The following KDM4C variants were observed in gnomAD, a reference collection of about 807,000 sequenced individuals.
The protein encoded by KDM4C is lysine demethylase 4C.
KDM4C carries 81 observed loss-of-function variants against 129.3 expected under a neutral mutation model. The observed-to-expected ratio is 0.63, with a 90% CI of 0.52 to 0.75. The LOEUF (loss-of-function observed/expected upper bound fraction) is 0.75, where lower values mean the gene tolerates loss of function less well. KDM4C is among the 30% of genes least tolerant of loss of function. The pLI, the probability that KDM4C is intolerant of heterozygous loss-of-function variation, is 0.00. For missense variants in KDM4C, 1,457 were observed against 1,304.0 expected, an observed-to-expected ratio of 1.12 and a Z score of -1.81; for synonymous variants, 573 against 456.1, an observed-to-expected ratio of 1.26 and a Z score of -3.26.
chr9:7,016,373 C>T (rs139941818), intron 15 of KDM4C, among the ~76,000 whole-genome samples: 69 of 150,428 alleles, frequency 4.6e-4, no homozygotes, highest in African/African-American at 1.3e-3. Flanking sequence ...GTGATCTGCT[C>T]GCCTCGGCCT....
rs191098149 is a variant in KDM4C at position 6,834,576 on chromosome 9, A to G, written c.436-14931A>G. The G allele has an allele frequency of 6.2e-3, 4,485 of 723,002 alleles. 143 individuals are homozygous for G. In the Admixed American group the frequency reaches 0.062, roughly 10 times the overall value. 44.8% of individuals were successfully genotyped at this position (723,002 alleles called of 1,614,324 possible). On this transcript the variant is annotated intron_variant, in intron 4 of 21. Coordinates refer to ENST00000381309, the MANE Select transcript of KDM4C (RefSeq NM_015061.6). ...TTCATCGTGTGGCACCCCAAGCACC[A>G]GGGCATGATGGTGGGCATGGGTCGG... is the stretch of plus-strand genomic sequence containing the variant.
intron 1 of KDM4C, among the ~76,000 whole-genome samples, chr9:6,739,805 C>T (rs1309319171): frequency 1.3e-5 from 2 of 151,988 alleles, no homozygotes; most frequent in Non-Finnish European, 2.9e-5. Context: ...CCCTGGGCAA[C>T]ATAGCATGAC....
intron 5 of KDM4C, among the ~76,000 whole-genome samples, chr9:6,850,517 C>G (rs1838648318): frequency 6.6e-6 from 1 of 152,012 alleles, no homozygotes; most frequent in African/African-American, 2.4e-5. Flanking sequence ...GCGATCTTGG[C>G]TCACTGCAAC....
intron 5 of KDM4C, among the ~76,000 whole-genome samples, chr9:6,853,986 A>G (rs557240486): frequency 6.6e-6 from 1 of 152,226 alleles, no homozygotes; most frequent in Non-Finnish European, 1.5e-5. Flanking sequence ...GTAAAGTATT[A>G]TACAAATACT....
At chr9:6,822,221 C>T (rs1460896986) in intron 4 of KDM4C, among the ~76,000 whole-genome samples, 3 of 152,192 alleles carry the variant, frequency 2.0e-5, no homozygotes, top group Admixed American at 6.5e-5. Flanking sequence ...TATTTGTGCA[C>T]TACCGTGGCA....
chr9:6,856,370 A>G (rs1564170877), intron 5 of KDM4C, among the ~76,000 whole-genome samples: 1 of 152,200 alleles, frequency 6.6e-6, no homozygotes, highest in African/African-American at 2.4e-5. Flanking sequence ...TATTTTGTCT[A>G]GAAAAAATGC....
At chr9:6,938,160 C>T (rs1482906851) in intron 8 of KDM4C, among the ~76,000 whole-genome samples, 1 of 151,940 alleles carries the variant, frequency 6.6e-6, no homozygotes, top group Admixed American at 6.6e-5. Flanking sequence ...CCTCCTCCAG[C>T]CAATGTTTGC....
At chr9:7,084,150 A>G (rs1158885938) in intron 17 of KDM4C, among the ~76,000 whole-genome samples, 1 of 152,200 alleles carries the variant, frequency 6.6e-6, no homozygotes, top group African/African-American at 2.4e-5. Flanking sequence ...AAAGATCATG[A>G]GCTCTGGGCT....
chr9:6,799,369 C>T (rs1828459627), intron 2 of KDM4C, among the ~76,000 whole-genome samples: 1 of 152,224 alleles, frequency 6.6e-6, no homozygotes, highest in South Asian at 2.1e-4. Flanking sequence ...TGGAGACCAG[C>T]CCGGCCAACA....
chr9:6,997,082 C>G (rs562486902), intron 12 of KDM4C, among the ~76,000 whole-genome samples: 1 of 152,256 alleles, frequency 6.6e-6, no homozygotes, highest in Admixed American at 6.5e-5. Flanking sequence ...TCGGTGCCTG[C>G]GTTTACAAAG....
chr9:6,934,062 C>G (rs530239225), intron 8 of KDM4C, among the ~76,000 whole-genome samples: 2 of 151,980 alleles, frequency 1.3e-5, no homozygotes, highest in South Asian at 2.1e-4. Context: ...GTTGGCCAGG[C>G]TGGTCTTCTT....
chr9:6,966,968 C>A (rs1170842073), intron 8 of KDM4C, among the ~76,000 whole-genome samples: 1 of 152,122 alleles, frequency 6.6e-6, no homozygotes, highest in East Asian at 1.9e-4. Flanking sequence ...AACTGCTGCT[C>A]ACCAAATATA....
intron 19 of KDM4C, among the ~76,000 whole-genome samples, chr9:7,152,063 C>G (rs1402778320): frequency 6.6e-6 from 1 of 152,210 alleles, no homozygotes; most frequent in Non-Finnish European, 1.5e-5. Flanking sequence ...TCAGAAATTT[C>G]TCTGGTGGTT....
In KDM4C at chr9:6,758,194, C is replaced by T. The variant is rs1818635764; in HGVS notation, c.-27C>T. 1.0e-6 allele frequency: 1 copy of T among 985,954 alleles called. No homozygotes were observed. The highest frequency in any genetic ancestry group is 1.2e-6 in the Non-Finnish European group (1 of 830,376). 61.1% of individuals were successfully genotyped at this position (985,954 alleles called of 1,614,324 possible). On this transcript the variant is annotated 5_prime_UTR_variant, in exon 1 of 22. Transcript: ENST00000381309. This position sits in a 1 kb window ranked among gnomAD's most constrained non-coding sequence, Gnocchi z 4.6. ...ACCGAGTCGTGCTCTCGCCCCAACC[C>T]GCGCGCCAGGTAACCGCTTTTCCGG...
In KDM4C at chr9:6,931,122, A is replaced by AC. The variant is rs1302134130; in HGVS notation, c.921+37898dup. Among the ~76,000 whole-genome samples the AC allele has an allele frequency of 4.0e-3, 592 of 146,200 alleles. 2 individuals carry two copies. The highest frequency in any genetic ancestry group is 0.012 in the African/African-American group (475 of 39,156). On this transcript the variant is annotated intron_variant, in intron 8 of 21. Transcript: ENST00000381309. Reference sequence around the variant, plus strand: ...GGCACTTGGAACCCTCTCTCTTCTCACCCCCCCCACACAAACACACTTTAT... The same window carrying AC: ...GGCACTTGGAACCCTCTCTCTTCTCACCCCCCCCCACACAAACACACTTTAT...
chr9:6,887,185 G>T (rs747911010), intron 6 of KDM4C, among the ~76,000 whole-genome samples: 4 of 152,174 alleles, frequency 2.6e-5, no homozygotes, highest in African/African-American at 9.7e-5. Flanking sequence ...GGAAGGTGTG[G>T]AGCAGTACAT....
chr9:7,096,906 C>T (rs998645857), intron 17 of KDM4C, among the ~76,000 whole-genome samples: 1 of 152,172 alleles, frequency 6.6e-6, no homozygotes, highest in Non-Finnish European at 1.5e-5. Flanking sequence ...TCGTGAGTCT[C>T]TCACCTGGGC....
chr9:7,141,711 C>T (rs1017938376), intron 19 of KDM4C, among the ~76,000 whole-genome samples: 1 of 151,912 alleles, frequency 6.6e-6, no homozygotes, highest in Non-Finnish European at 1.5e-5. Flanking sequence ...CCCTTCTGCT[C>T]TGTTTTATAC....
At chr9:6,807,930 G>A (rs1428864710) in intron 3 of KDM4C, among the ~76,000 whole-genome samples, 4 of 128,832 alleles carry the variant, frequency 3.1e-5, no homozygotes, top group African/African-American at 1.2e-4. Flanking sequence ...CACCCCCTCC[G>A]GGAGGGAGGT....
Sources: gnomAD v4.1 joint callset for allele counts (sites outside exome capture counted in the v4.1 genomes callset) on GRCh38, gnomAD v4.1.1 for gene constraint, Gnocchi (gnomAD v3.1) non-coding constraint, MANE v1.5 for transcripts, NCBI Gene and HGNC (gene_info 2026-07-23, HGNC 2026-07-21) for gene names.